The following ANO2 variants were observed in gnomAD, a reference collection of about 807,000 sequenced individuals.
ANO2 encodes the protein anoctamin-2.
In ANO2, 101 loss-of-function variants were observed where a neutral mutation model predicts 124.2. The ratio of observed to expected loss-of-function variants is 0.81; its 90% CI spans 0.69 to 0.96. The LOEUF (loss-of-function observed/expected upper bound fraction) is 0.96. ANO2 is among the 40% of genes least tolerant of loss of function. The pLI is 0.00. For missense variants in ANO2, 1,293 were observed against 1,274.5 expected, an observed-to-expected ratio of 1.01 and a Z score of -0.22; for synonymous variants, 486 against 482.5, an observed-to-expected ratio of 1.01 and a Z score of -0.09.
chr12:5,638,614 C>T (rs1160074140), intron 15 of ANO2, among the ~76,000 whole-genome samples: 2 of 151,492 alleles, frequency 1.3e-5, no homozygotes, highest in Non-Finnish European at 2.9e-5. Context: ...TGGGTATATT[C>T]CATGTTTGTG....
chr12:5,588,705 G>C (rs761433358), intron 20 of ANO2, among the ~76,000 whole-genome samples: 10 of 152,214 alleles, frequency 6.6e-5, no homozygotes, highest in Non-Finnish European at 1.2e-4. Flanking sequence ...CTAAGAAAGT[G>C]AGGGTGGCAC....
At chr12:5,940,062 A>AATGGATGG (rs200562212) in intron 1 of ANO2, among the ~76,000 whole-genome samples, 25 of 151,606 alleles carry the variant, frequency 1.6e-4, no homozygotes, top group African/African-American at 5.4e-4. Context: ...TTTTTAAATC[A>AATGGATGG]ATGGATGGAT....
intron 20 of ANO2, among the ~76,000 whole-genome samples, chr12:5,595,170 G>T (rs1424708379): frequency 1.3e-5 from 2 of 151,964 alleles, no homozygotes; most frequent in Non-Finnish European, 2.9e-5. Flanking sequence ...CCTCATCTTT[G>T]TGTATCAGAC....
At chr12:5,604,727 T>G (rs985851208) in intron 19 of ANO2, among the ~76,000 whole-genome samples, 1 of 151,786 alleles carries the variant, frequency 6.6e-6, no homozygotes. Flanking sequence ...CTCCTGGATA[T>G]CCCAGTGACC....
At chr12:5,789,739 C>T (rs1444077206) in intron 10 of ANO2, among the ~76,000 whole-genome samples, 2 of 152,170 alleles carry the variant, frequency 1.3e-5, no homozygotes, top group Admixed American at 1.3e-4. Flanking sequence ...CCACAGAATG[C>T]TGTGGTTTTC....
At chr12:5,817,780 T>C (rs563972725) in intron 7 of ANO2, among the ~76,000 whole-genome samples, 1 of 152,196 alleles carries the variant, frequency 6.6e-6, no homozygotes, top group Non-Finnish European at 1.5e-5. Context: ...CAACTGGAAA[T>C]GCAGGGCTGC....
chr12:5,580,267 C>T (rs1315981650), intron 20 of ANO2, among the ~76,000 whole-genome samples: 2 of 152,130 alleles, frequency 1.3e-5, no homozygotes, highest in Non-Finnish European at 2.9e-5. Flanking sequence ...ATACAATGTA[C>T]AATATGTACA....
At chr12:5,806,407 A>T (rs1362539233) in intron 8 of ANO2, among the ~76,000 whole-genome samples, 1 of 152,198 alleles carries the variant, frequency 6.6e-6, no homozygotes, top group Non-Finnish European at 1.5e-5. Flanking sequence ...TCACGTGAAA[A>T]GCACCTGTGC....
At chr12:5,738,483 T>C (rs1293687735) in intron 13 of ANO2, among the ~76,000 whole-genome samples, 2 of 152,112 alleles carry the variant, frequency 1.3e-5, no homozygotes, top group African/African-American at 4.8e-5. Context: ...ATCCACACTA[T>C]TGAGAGTCCC....
intron 1 of ANO2, among the ~76,000 whole-genome samples, chr12:5,935,707 C>A (rs1942618068): frequency 6.6e-6 from 1 of 152,158 alleles, no homozygotes; most frequent in African/African-American, 2.4e-5. Context: ...TATTAGGATT[C>A]CGCAACTGGA....
intron 10 of ANO2, among the ~76,000 whole-genome samples, chr12:5,786,089 C>T (rs1199611927): frequency 6.6e-6 from 1 of 152,072 alleles, no homozygotes; most frequent in Non-Finnish European, 1.5e-5. Context: ...GGGCGGTGCC[C>T]CTGGGGTGGT....
intron 20 of ANO2, among the ~76,000 whole-genome samples, chr12:5,596,769 G>C (rs1054287592): frequency 6.6e-6 from 1 of 152,002 alleles, no homozygotes; most frequent in Non-Finnish European, 1.5e-5. Context: ...CCTTCCTCAG[G>C]CTTCAAGACC....
intron 14 of ANO2, among the ~76,000 whole-genome samples, chr12:5,671,190 T>G (rs1947983792): frequency 6.6e-6 from 1 of 151,950 alleles, no homozygotes; most frequent in South Asian, 2.1e-4. Context: ...CTTTCTACAC[T>G]CATTATGAAA....
intron 14 of ANO2, among the ~76,000 whole-genome samples, chr12:5,720,491 C>T (rs553000659): frequency 2.0e-5 from 3 of 152,206 alleles, no homozygotes; most frequent in Admixed American, 2.0e-4. Context: ...TGCTTCTGGC[C>T]ATATATGGAA....
At chr12:5,866,623 GGAAGA>G (rs1955434305) in intron 3 of ANO2, among the ~76,000 whole-genome samples, 1 of 152,232 alleles carries the variant, frequency 6.6e-6, no homozygotes, top group African/African-American at 2.4e-5. Context: ...TGAGCGGCAT[GGAAGA>G]GAAGAAGTGG....
At chr12:5,764,688 C>A (rs937075660) in intron 10 of ANO2, among the ~76,000 whole-genome samples, 2 of 152,158 alleles carry the variant, frequency 1.3e-5, no homozygotes, top group Admixed American at 1.3e-4. Flanking sequence ...CATCACCATT[C>A]GCCCCCAGCC....
intron 3 of ANO2, among the ~76,000 whole-genome samples, chr12:5,918,090 C>T (rs1941485141): frequency 6.6e-6 from 1 of 151,136 alleles, no homozygotes; most frequent in South Asian, 2.1e-4. Flanking sequence ...ACCACAGCTC[C>T]CACATTGGTA....
At chr12:5,803,855 G>C (rs1484923122) in intron 9 of ANO2, among the ~76,000 whole-genome samples, 1 of 152,202 alleles carries the variant, frequency 6.6e-6, no homozygotes. Flanking sequence ...TCAGGAGAGG[G>C]AGACTGACAT....
intron 20 of ANO2, among the ~76,000 whole-genome samples, chr12:5,590,906 G>T (rs1268165445): frequency 6.6e-6 from 1 of 152,182 alleles, no homozygotes; most frequent in Non-Finnish European, 1.5e-5. Flanking sequence ...AAAACTAGCG[G>T]CCGAGCGTGG....
Sources: gnomAD v4.1 joint callset for allele counts (sites outside exome capture counted in the v4.1 genomes callset) on GRCh38, gnomAD v4.1.1 for gene constraint, MANE v1.5 for transcripts, NCBI Gene and HGNC (gene_info 2026-07-23, HGNC 2026-07-21) for gene names.